HDAC4: variants seen among roughly 807,000 people sequenced by gnomAD.
HDAC4 encodes histone deacetylase 4.
A neutral mutation model predicts 135.1 loss-of-function variants in HDAC4; 16 were observed. The ratio of observed to expected loss-of-function variants is 0.12; its 90% confidence interval spans 0.08 to 0.18. HDAC4 has a LOEUF of 0.18. Among genes scored for constraint, HDAC4 ranks in the 10% least tolerant of loss-of-function variants. The pLI is 1.00. For missense variants in HDAC4, 1,143 were observed against 1,511.8 expected (o/e 0.76, Z 4.05); for synonymous variants, 685 against 653.4 (o/e 1.05, Z -0.74).
intron 8 of HDAC4, among the ~76,000 whole-genome samples, chr2:239,142,146 C>A (rs1172354756): frequency 2.0e-5 from 3 of 152,120 alleles, no homozygotes; most frequent in Non-Finnish European, 4.4e-5. Context: ...TCACTCTGGA[C>A]AGAGTGCGTA....
At chr2:239,137,418 T>C (rs2041043617) in intron 9 of HDAC4, among the ~76,000 whole-genome samples, 1 of 152,150 alleles carries the variant, frequency 6.6e-6, no homozygotes. Flanking sequence ...GCCTCCTCCC[T>C]GTAGAGGAGG....
chr2:239,118,501 G>A (rs1049107742), intron 12 of HDAC4, among the ~76,000 whole-genome samples: 1 of 152,074 alleles, frequency 6.6e-6, no homozygotes, highest in Non-Finnish European at 1.5e-5. Context: ...GCCGCGCGTC[G>A]GGAACAGGAA....
intron 16 of HDAC4, among the ~76,000 whole-genome samples, chr2:239,095,387 C>T (rs969863463): frequency 6.6e-6 from 1 of 152,162 alleles, no homozygotes; most frequent in Non-Finnish European, 1.5e-5. Context: ...GCCTGCAGCC[C>T]GTGCCCCTGA....
intron 2 of HDAC4, among the ~76,000 whole-genome samples, chr2:239,296,472 T>A (rs1180871250): frequency 6.6e-6 from 1 of 152,216 alleles, no homozygotes; most frequent in Non-Finnish European, 1.5e-5. Flanking sequence ...AGCTGAGTGC[T>A]GACACTCTAA....
chr2:239,252,604 G>T (rs960826129), intron 2 of HDAC4, among the ~76,000 whole-genome samples: 4 of 152,192 alleles, frequency 2.6e-5, no homozygotes, highest in Admixed American at 2.6e-4. Flanking sequence ...CATGTCCCAC[G>T]GAAGTTCCTT....
intron 24 of HDAC4, among the ~76,000 whole-genome samples, chr2:239,062,582 T>G (rs6753167): frequency 6.2e-4 from 94 of 152,376 alleles, no homozygotes; most frequent in African/African-American, 2.1e-3. Context: ...GAAAGCGAAG[T>G]TCCCTATTGT....
chr2:239,348,871 G>C (rs1205037399), intron 2 of HDAC4, among the ~76,000 whole-genome samples: 1 of 152,222 alleles, frequency 6.6e-6, no homozygotes. Context: ...TGACGTCAGA[G>C]AACCAGGGCC....
At chr2:239,170,929 G>A (rs991033008) in intron 5 of HDAC4, among the ~76,000 whole-genome samples, 1 of 152,168 alleles carries the variant, frequency 6.6e-6, no homozygotes, top group Non-Finnish European at 1.5e-5. Flanking sequence ...TGCCTTATGA[G>A]TAACGATGGC....
At chr2:239,124,601 C>T (rs889022851) in intron 12 of HDAC4, among the ~76,000 whole-genome samples, 9 of 119,674 alleles carry the variant, frequency 7.5e-5, no homozygotes, top group African/African-American at 3.6e-4. Flanking sequence ...CGTCATTCCA[C>T]GTTATATGAC....
chr2:239,155,250 T>C (rs1007205446), intron 7 of HDAC4, among the ~76,000 whole-genome samples: 1 of 150,514 alleles, frequency 6.6e-6, no homozygotes, highest in African/African-American at 2.5e-5. Flanking sequence ...ACTGGGAACA[T>C]GGCCGGCCTG....
intron 1 of HDAC4, among the ~76,000 whole-genome samples, chr2:239,369,638 G>A (rs961989916): frequency 2.6e-5 from 4 of 152,140 alleles, no homozygotes; most frequent in African/African-American, 7.2e-5. Context: ...TCATTTCCGC[G>A]TACACGGTGT....
intron 3 of HDAC4, among the ~76,000 whole-genome samples, chr2:239,225,637 A>G (rs1575458541): frequency 6.6e-6 from 1 of 152,204 alleles, no homozygotes; most frequent in African/African-American, 2.4e-5. Context: ...CCGCCCAGGA[A>G]GGCCCACGCA....
At chr2:239,271,569 C>T (rs928696741) in intron 2 of HDAC4, among the ~76,000 whole-genome samples, 3 of 152,242 alleles carry the variant, frequency 2.0e-5, no homozygotes, top group African/African-American at 7.2e-5. Context: ...TGCCGGCATC[C>T]TCCCTAGAGC....
intron 12 of HDAC4, among the ~76,000 whole-genome samples, chr2:239,120,349 A>G (rs2039529598): frequency 6.6e-6 from 1 of 151,840 alleles, no homozygotes; most frequent in African/African-American, 2.4e-5. Context: ...TCACATACAG[A>G]TACATACACA....
intron 14 of HDAC4, among the ~76,000 whole-genome samples, chr2:239,110,261 T>A (rs1463407221): frequency 6.6e-6 from 1 of 152,214 alleles, no homozygotes; most frequent in Non-Finnish European, 1.5e-5. Context: ...TGTTTTTCTT[T>A]ACAATGAACA....
intron 1 of HDAC4, among the ~76,000 whole-genome samples, chr2:239,373,116 T>C (rs1176643675): frequency 6.6e-6 from 1 of 151,864 alleles, no homozygotes; most frequent in Non-Finnish European, 1.5e-5. Context: ...GCCCTGGGAG[T>C]GGGGGCTGAG....
In HDAC4 at chr2:239,309,666, G is replaced by A. The variant is rs1040024269; in HGVS notation, c.22+43012C>T. Among the ~76,000 whole-genome samples the A allele has an allele frequency of 6.6e-6, 1 of 152,236 alleles. No homozygotes were observed. Among genetic ancestry groups the A allele is most frequent in the Admixed American group, 6.5e-5 (1 of 15,288 alleles). ...GGGAGAAGATGGAGGTCAAGTCATA[G>A]GGCCTCCACCGCAGGCAGAGCTCCG... On this transcript the variant is annotated intron_variant, in intron 2 of 26. Transcript: ENST00000543185. This position sits in a 1 kb window ranked among gnomAD's most constrained non-coding sequence, Gnocchi z 4.2.
chr2:239,108,214 GCA>G (rs1559442456), intron 14 of HDAC4, 31 bp from the exon 15 acceptor site: 1 of 1,579,396 alleles, frequency 6.3e-7, no homozygotes, highest in African/African-American at 1.3e-5. Context: ...CAAGATCAGC[GCA>G]CATCCAGGGG....
Position 239,139,940 on chromosome 2 carries a change from A to T in HDAC4, c.866-144T>A. The T allele has an allele frequency of 3.1e-6, 2 of 636,834 alleles. No homozygotes were observed. The highest frequency in any genetic ancestry group is 5.5e-6 in the Non-Finnish European group (2 of 361,488). 39.4% of individuals were successfully genotyped at this position (636,834 alleles called of 1,614,324 possible). A position where few individuals can be genotyped will look rare whatever the true frequency, so the allele number is the denominator to read the frequency against. ...AAGTCCCAACAAAAAGAACATGGCC[A>T]TGGTTTCAAAAAAGAAAGTATGATG... On this transcript the variant is annotated intron_variant, in intron 8 of 26. Transcript: ENST00000543185. The surrounding 1 kb of genome is among the most constrained non-coding windows in gnomAD (Gnocchi z 5.3).
Sources: gnomAD v4.1 joint callset for allele counts (sites outside exome capture counted in the v4.1 genomes callset) on GRCh38, gnomAD v4.1.1 for gene constraint, Gnocchi (gnomAD v3.1) non-coding constraint, MANE v1.5 for transcripts, NCBI Gene and HGNC (gene_info 2026-07-23, HGNC 2026-07-21) for gene names.